Variants in DPY19L1 observed in about 807,000 individuals in gnomAD.
DPY19L1 encodes protein C-mannosyl-transferase DPY19L1.
DPY19L1 carries 35 observed loss-of-function variants against 96.9 expected under a neutral mutation model. The observed-to-expected ratio is 0.36, with a 90% confidence interval of 0.28 to 0.48. The LOEUF (loss-of-function observed/expected upper bound fraction) is 0.48, where lower values mean the gene tolerates loss of function less well. DPY19L1 is among the 20% of genes least tolerant of loss of function. The pLI is 0.99. For missense variants in DPY19L1, 521 were observed against 777.9 expected (o/e 0.67, Z 3.93); for synonymous variants, 205 against 252.6 (o/e 0.81, Z 1.79).
chr7:35,005,962 C>T (rs1298731695), intron 6 of DPY19L1, among the ~76,000 whole-genome samples: 1 of 152,126 alleles, frequency 6.6e-6, no homozygotes, highest in African/African-American at 2.4e-5. Context: ...AAATCTAATA[C>T]CTACAAAGGA....
intron 12 of DPY19L1, 140 bp downstream of exon 12, chr7:34,955,168 A>C: frequency 1.1e-6 from 1 of 922,970 alleles, no homozygotes; most frequent in East Asian, 2.7e-5. Flanking sequence ...AATTTGGTAC[A>C]TTAAAACTGA....
chr7:35,037,876 C>T (rs1195043046), upstream of DPY19L1: 6 of 1,237,846 alleles, frequency 4.8e-6, no homozygotes, highest in Non-Finnish European at 6.1e-6. Flanking sequence ...GACGGCCTTC[C>T]GGAGGCGGCC....
intron 11 of DPY19L1, among the ~76,000 whole-genome samples, chr7:34,956,000 T>C (rs1784370572): frequency 6.6e-6 from 1 of 152,128 alleles, no homozygotes; most frequent in African/African-American, 2.4e-5. Context: ...GTGTTTATAG[T>C]TAAATATGCA....
At position 35,008,890 on chromosome 7, in the gene DPY19L1, G is replaced by A. The variant is rs149833981; in HGVS notation, c.764+1578C>T. 6.9e-3 allele frequency among the ~76,000 whole-genome samples: 1,057 copies of A among 152,194 alleles called. 7 individuals are homozygous for A. Among genetic ancestry groups the A allele is most frequent in the Non-Finnish European group, 0.012 (803 of 68,008 alleles). On this transcript the variant is annotated intron_variant, in intron 6 of 21. Coordinates refer to ENST00000638088, the MANE Select transcript of DPY19L1 (RefSeq NM_001366673.1). ...AGTTTCTCTCCCTCTGGCTCATTACGATGCAAGCACACAGGCCCACTTTCC... is the reference window on the plus strand; with the variant it reads ...AGTTTCTCTCCCTCTGGCTCATTACAATGCAAGCACACAGGCCCACTTTCC...
intron 21 of DPY19L1, among the ~76,000 whole-genome samples, chr7:34,936,415 A>G (rs1783868769): frequency 6.6e-6 from 1 of 152,168 alleles, no homozygotes; most frequent in Admixed American, 6.6e-5. Flanking sequence ...AGCTTGGAGA[A>G]AAAAGGTTAC....
intron 7 of DPY19L1, among the ~76,000 whole-genome samples, chr7:34,981,023 A>T (rs1256799787): frequency 3.9e-5 from 6 of 152,214 alleles, no homozygotes; most frequent in African/African-American, 1.4e-4. Context: ...GGAGGGATAC[A>T]GATTGGACAG....
intron 1 of DPY19L1, among the ~76,000 whole-genome samples, chr7:35,026,240 T>C (rs59505449): frequency 0.27 from 41,414 of 152,128 alleles, 5,775 homozygotes; most frequent in Non-Finnish European, 0.31. Context: ...GTAGTAATTG[T>C]ATCACCTGGG....
At chr7:34,933,402 T>C (rs1783799954) in intron 21 of DPY19L1, among the ~76,000 whole-genome samples, 1 of 152,250 alleles carries the variant, frequency 6.6e-6, no homozygotes. Context: ...CTGCTGTATC[T>C]TTCTCCAATG....
intron 1 of DPY19L1, among the ~76,000 whole-genome samples, chr7:35,033,387 T>A (rs1394989787): frequency 6.6e-6 from 1 of 152,176 alleles, no homozygotes; most frequent in Middle Eastern, 3.2e-3. Flanking sequence ...GAATGTAAGT[T>A]CCATGAAGGT....
intron 3 of DPY19L1, among the ~76,000 whole-genome samples, chr7:35,015,393 A>C (rs1322307510): frequency 6.6e-6 from 1 of 152,226 alleles, no homozygotes; most frequent in Non-Finnish European, 1.5e-5. Context: ...GACCCTGCTG[A>C]TAACACAGGA....
chr7:34,948,436 A>G (rs977033733), intron 14 of DPY19L1, among the ~76,000 whole-genome samples: 4 of 152,168 alleles, frequency 2.6e-5, no homozygotes, highest in Admixed American at 2.6e-4. Flanking sequence ...TAGGTGTACC[A>G]TAATTGGAAC....
chr7:34,976,448 C>A (rs1271707994), intron 7 of DPY19L1, among the ~76,000 whole-genome samples: 1 of 152,132 alleles, frequency 6.6e-6, no homozygotes, highest in Non-Finnish European at 1.5e-5. Flanking sequence ...ATGGGATCTA[C>A]TACTGGTGAA....
intron 11 of DPY19L1, among the ~76,000 whole-genome samples, chr7:34,957,057 C>T (rs1784393102): frequency 1.3e-5 from 2 of 152,182 alleles, no homozygotes; most frequent in South Asian, 4.1e-4. Context: ...ATAAGGCAGT[C>T]TTAAAATTTC....
chr7:34,941,906 T>A, intron 17 of DPY19L1, 22 bp from the exon 18 acceptor site: 2 of 1,563,492 alleles, frequency 1.3e-6, no homozygotes, highest in Non-Finnish European at 1.7e-6. Context: ...AAGAAAATGT[T>A]TTTTACTCCT....
intron 15 of DPY19L1, among the ~76,000 whole-genome samples, chr7:34,946,097 G>A (rs1158379041): frequency 6.6e-6 from 1 of 152,162 alleles, no homozygotes; most frequent in Non-Finnish European, 1.5e-5. Flanking sequence ...TCTTAACAGT[G>A]CACTCAGAAA....
chr7:35,037,704 G>GCCCCGC (rs1382111555), upstream of DPY19L1: 3 of 529,270 alleles, frequency 5.7e-6, no homozygotes, highest in African/African-American at 2.1e-5. Flanking sequence ...AGCGGCCGCG[G>GCCCCGC]CCCCGCCCCC....
intron 10 of DPY19L1, among the ~76,000 whole-genome samples, chr7:34,966,193 A>G (rs962465021): frequency 6.6e-6 from 1 of 151,978 alleles, no homozygotes; most frequent in African/African-American, 2.4e-5. Context: ...TACTATGTTT[A>G]TTATTTATCT....
intron 6 of DPY19L1, chr7:35,000,491 C>T (rs1211904551): frequency 2.0e-5 from 3 of 152,052 alleles, no homozygotes; most frequent in Non-Finnish European, 4.4e-5. Flanking sequence ...TCCAATGTGT[C>T]GTTAGTTCAA....
chr7:35,025,118 A>T (rs1286352585), intron 1 of DPY19L1, among the ~76,000 whole-genome samples: 1 of 152,210 alleles, frequency 6.6e-6, no homozygotes, highest in African/African-American at 2.4e-5. Context: ...GTTTCTGTAT[A>T]GCGAACAAAT....
Sources: allele counts gnomAD v4.1 joint callset (sites outside exome capture counted in the v4.1 genomes callset), GRCh38; gene constraint gnomAD v4.1.1; transcripts MANE v1.5; gene names NCBI Gene and HGNC (gene_info 2026-07-23, HGNC 2026-07-21).